Variants in RAB8B observed in about 807,000 individuals in gnomAD.
RAB8B encodes the protein ras-related protein Rab-8B.
A neutral mutation model predicts 32.0 loss-of-function variants in RAB8B; 11 were observed. The ratio of observed to expected loss-of-function variants is 0.34; its 90% confidence interval spans 0.22 to 0.57. The LOEUF is 0.57. Ranked by LOEUF, RAB8B falls within the 20% of genes least tolerant of loss-of-function variation. RAB8B has a pLI of 0.86. For synonymous variants in RAB8B, 103 were observed against 89.6 expected, an observed-to-expected ratio of 1.15 and a Z score of -0.85; for missense variants, 190 against 258.5, an observed-to-expected ratio of 0.73 and a Z score of 1.82.
chr15:63,232,425 C>G (rs896181387), intron 1 of RAB8B, among the ~76,000 whole-genome samples: 22 of 152,136 alleles, frequency 1.4e-4, no homozygotes, highest in African/African-American at 5.3e-4. Context: ...TTCCTAATTT[C>G]TGAAATTAGT....
At chr15:63,233,040 A>T (rs1160527658) in intron 1 of RAB8B, among the ~76,000 whole-genome samples, 2 of 141,536 alleles carry the variant, frequency 1.4e-5, no homozygotes, top group Non-Finnish European at 3.1e-5. Context: ...CTTTTTTTTC[A>T]ATCTAAGTAG....
chr15:63,191,095 AT>A (rs2037552627), intron 1 of RAB8B, among the ~76,000 whole-genome samples: 1 of 152,188 alleles, frequency 6.6e-6, no homozygotes, highest in South Asian at 2.1e-4. Flanking sequence ...TTGCAGGTTA[AT>A]TAAGTACCTT....
At chr15:63,233,180 C>T (rs1203234279) in intron 1 of RAB8B, among the ~76,000 whole-genome samples, 1 of 151,842 alleles carries the variant, frequency 6.6e-6, no homozygotes, top group Admixed American at 6.6e-5. Context: ...TCACTTCAGC[C>T]TCCCAGGTAG....
At chr15:63,189,866 G>T in intron 1 of RAB8B, 118 bp downstream of exon 1, 12 of 1,291,286 alleles carry the variant, frequency 9.3e-6, no homozygotes, top group Non-Finnish European at 1.2e-5. Context: ...GGACTGCAAG[G>T]TGGCGGGGGC....
chr15:63,217,310 C>A (rs964590536), intron 1 of RAB8B, among the ~76,000 whole-genome samples: 2 of 152,128 alleles, frequency 1.3e-5, no homozygotes. Flanking sequence ...AATAAACGTC[C>A]TTTACATTTA....
intron 1 of RAB8B, among the ~76,000 whole-genome samples, chr15:63,216,245 T>G (rs2037790972): frequency 6.9e-6 from 1 of 144,876 alleles, no homozygotes; most frequent in Admixed American, 6.9e-5. Context: ...TTTTTTTTTT[T>G]GGAGACAGAG....
At chr15:63,205,781 T>C (rs1323213428) in intron 1 of RAB8B, among the ~76,000 whole-genome samples, 2 of 152,252 alleles carry the variant, frequency 1.3e-5, no homozygotes, top group Admixed American at 6.5e-5. Context: ...GTCTGTTCCC[T>C]AAAATTTTGA....
intron 1 of RAB8B, chr15:63,222,999 A>G (rs1460614681): frequency 4.4e-6 from 2 of 455,680 alleles, no homozygotes; most frequent in East Asian, 1.4e-4. Flanking sequence ...GTAATGTCCT[A>G]GGCCTTCACA....
chr15:63,260,538 A>C (rs1461126163), intron 6 of RAB8B, among the ~76,000 whole-genome samples: 1 of 152,166 alleles, frequency 6.6e-6, no homozygotes, highest in Non-Finnish European at 1.5e-5. Flanking sequence ...GGAAAACCAA[A>C]CCATCTAAAG....
intron 1 of RAB8B, among the ~76,000 whole-genome samples, chr15:63,205,929 A>G (rs940906782): frequency 6.6e-6 from 1 of 152,202 alleles, no homozygotes; most frequent in African/African-American, 2.4e-5. Flanking sequence ...GTGGAAGAGC[A>G]GGAGCTTTCA....
At chr15:63,196,279 G>A (rs1435548687) in intron 1 of RAB8B, among the ~76,000 whole-genome samples, 1 of 152,168 alleles carries the variant, frequency 6.6e-6, no homozygotes, top group East Asian at 1.9e-4. Context: ...AAGGATGTAT[G>A]GTGGTTACAG....
intron 1 of RAB8B, among the ~76,000 whole-genome samples, chr15:63,191,264 A>G (rs2037554112): frequency 6.6e-6 from 1 of 152,166 alleles, no homozygotes; most frequent in African/African-American, 2.4e-5. Flanking sequence ...GTGTGTTTAA[A>G]TATTTGTGTA....
chr15:63,208,893 ATT>A lies in RAB8B; in HGVS notation c.124+19161_124+19162del, dbSNP rs58629991. Among the ~76,000 whole-genome samples, 128 of 133,470 alleles carry A rather than the reference ATT, an allele frequency of 9.6e-4. 1 individual carries two copies. The highest frequency in any genetic ancestry group is 2.6e-3 in the East Asian group (12 of 4,622). The allele number at this position is 133,470 out of a possible 152,430, so 87.6% of individuals were successfully genotyped here. A position where few individuals can be genotyped will look rare whatever the true frequency, so the allele number is the denominator to read the frequency against. On this transcript the variant is annotated intron_variant, in intron 1 of 7. Transcript: ENST00000321437. ...TCCCCAACCCTCCACTCCCACGATAATTTTTTTTTTTTTTTTTGAGGGGGAGT... is the reference window on the plus strand; with the variant it reads ...TCCCCAACCCTCCACTCCCACGATAATTTTTTTTTTTTTTTGAGGGGGAGT...
chr15:63,213,306 G>T (rs71393137), intron 1 of RAB8B, among the ~76,000 whole-genome samples: 9,753 of 151,930 alleles, frequency 0.064, 429 homozygotes, highest in Middle Eastern at 0.14. Flanking sequence ...GTTTGGAGGG[G>T]GACGTGGGGC....
intron 1 of RAB8B, chr15:63,223,801 C>T: frequency 2.6e-6 from 1 of 390,388 alleles, no homozygotes; most frequent in Non-Finnish European, 5.1e-6. Context: ...ATACACTGTT[C>T]CAAAAAAGGA....
chr15:63,206,236 C>G lies in RAB8B; in HGVS notation c.124+16488C>G, dbSNP rs114191586. Among the ~76,000 whole-genome samples the G allele has an allele frequency of 5.9e-3, 896 of 152,170 alleles. 7 individuals are homozygous for G. Among genetic ancestry groups the G allele is most frequent in the African/African-American group, 0.019 (793 of 41,508 alleles). On this transcript the variant is annotated intron_variant, in intron 1 of 7. Transcript: ENST00000321437. The stretch of plus-strand genomic sequence containing the variant: ...TTCTTTTTTTACCCAGAGTATTTAT[C>G]TATAGTAATAAATGCCTGCTAACTT...
chr15:63,208,550 C>G (rs545205998), intron 1 of RAB8B, among the ~76,000 whole-genome samples: 1 of 152,140 alleles, frequency 6.6e-6, no homozygotes. Flanking sequence ...TTTATTCTCA[C>G]TACCACCACC....
intron 1 of RAB8B, among the ~76,000 whole-genome samples, chr15:63,194,231 C>T (rs913975745): frequency 6.6e-6 from 1 of 152,180 alleles, no homozygotes; most frequent in Non-Finnish European, 1.5e-5. Flanking sequence ...TTGACACCCT[C>T]AAAATTACAC....
chr15:63,192,539 C>T (rs1041222258), intron 1 of RAB8B, among the ~76,000 whole-genome samples: 1 of 152,162 alleles, frequency 6.6e-6, no homozygotes, highest in South Asian at 2.1e-4. Flanking sequence ...CTGTGTCATA[C>T]GGAAAAGATG....
Sources: allele counts gnomAD v4.1 joint callset (sites outside exome capture counted in the v4.1 genomes callset), GRCh38; gene constraint gnomAD v4.1.1; transcripts MANE v1.5; gene names NCBI Gene and HGNC (gene_info 2026-07-23, HGNC 2026-07-21).